The following KRT86 variants were observed in gnomAD, a reference collection of about 807,000 sequenced individuals.
KRT86 encodes keratin, type II cuticular Hb6.
KRT86 carries 30 observed loss-of-function variants against 41.2 expected under a neutral mutation model. The ratio of observed to expected loss-of-function variants is 0.73; its 90% CI spans 0.54 to 0.99. The LOEUF (loss-of-function observed/expected upper bound fraction) is 0.99, where lower values mean the gene tolerates loss of function less well. KRT86 is among the 50% of genes least tolerant of loss of function. The pLI is 0.00. For missense variants in KRT86, 561 were observed against 571.4 expected (o/e 0.98, Z 0.19); for synonymous variants, 238 against 238.1 (o/e 1.00, Z 0.00).
chr12:52,291,439 C>G (rs936080123), intron 2 of KRT86: 9 of 1,612,554 alleles, frequency 5.6e-6, no homozygotes, highest in Non-Finnish European at 6.8e-6. Context: ...TGAAGGCGCG[C>G]CCACCAAATC....
intron 2 of KRT86, chr12:52,288,464 G>T: frequency 1.9e-6 from 3 of 1,614,066 alleles, no homozygotes; most frequent in Non-Finnish European, 2.5e-6. Flanking sequence ...ATCCTGGAAA[G>T]GTGGGGAGTG....
At position 52,304,949 on chromosome 12, in the gene KRT86, C is replaced by T. The variant is rs1367941864; in HGVS notation, c.657C>T (p.Tyr219=). 2 of 1,614,182 alleles carry T rather than the reference C, an allele frequency of 1.2e-6. No homozygotes were observed. The highest frequency in any genetic ancestry group is 1.7e-6 in the Non-Finnish European group (2 of 1,180,026). The change falls in exon 6 of 11, where the codon TAC becomes TAT. Residue 219 remains tyrosine, a synonymous_variant. Coordinates refer to ENST00000423955, the MANE Select transcript of KRT86 (RefSeq NM_001320198.2). ...VALKKDVDCA[Y]LRKSDLEANV... The stretch of plus-strand genomic sequence containing the variant: ...CTTTCCAGGATGTGGACTGCGCCTA[C>T]CTCCGCAAATCAGACCTGGAGGCCA...
intron 2 of KRT86, among the ~76,000 whole-genome samples, chr12:52,299,862 G>T (rs921946528): frequency 6.6e-6 from 1 of 152,152 alleles, no homozygotes; most frequent in African/African-American, 2.4e-5. Context: ...CAGTTGAATA[G>T]TTTGCAAATA....
At chr12:52,304,328 C>T (rs2121305811) in intron 5 of KRT86, among the ~76,000 whole-genome samples, 157 bp downstream of exon 5, 1 of 106,628 alleles carries the variant, frequency 9.4e-6, no homozygotes, top group Non-Finnish European at 1.9e-5. Context: ...TATTGAGCAT[C>T]CAGGGCCTTG....
Position 52,286,865 on chromosome 12 carries a change from G to A in KRT86, c.-5+10919G>A, listed in dbSNP as rs762328799. The A allele has an allele frequency of 1.9e-6, 3 of 1,610,674 alleles. No individual in the cohort carries two copies. In the African/African-American group the frequency reaches 4.0e-5, roughly 22 times the overall value. On this transcript the variant is annotated intron_variant, in intron 2 of 10. Transcript: ENST00000423955. The stretch of plus-strand genomic sequence containing the variant: ...AAAGGCAACATTAGTGACTGCCCCA[G>A]AGTGGCTGAAAAAGCTCCCCAGTTC...
chr12:52,296,459 G>T (rs1326467445), intron 2 of KRT86, among the ~76,000 whole-genome samples: 2 of 152,184 alleles, frequency 1.3e-5, no homozygotes, highest in Non-Finnish European at 1.5e-5. Flanking sequence ...AGGGACATGG[G>T]GCGAGGGAGG....
At chr12:52,287,126 C>T (rs201447608) in intron 2 of KRT86, 7 of 1,613,058 alleles carry the variant, frequency 4.3e-6, no homozygotes, top group African/African-American at 2.7e-5. Flanking sequence ...CTCCAGCAGG[C>T]GCCTGTAGGT....
rs55722924 is a variant in KRT86 at position 52,285,362 on chromosome 12, TAA to T, written c.-5+9429_-5+9430del. The stretch of plus-strand genomic sequence containing the variant: ...TCCAAAACCCCAGAGTGATGCCATT[TAA>T]AAAAAAAAAAAAGAAAGCCAACATC... On this transcript the variant is annotated intron_variant, in intron 2 of 10. Coordinates refer to ENST00000423955, the MANE Select transcript of KRT86 (RefSeq NM_001320198.2). Among the ~76,000 whole-genome samples, 637 of 148,232 alleles carry T rather than the reference TAA, an allele frequency of 4.3e-3. 3 individuals carry two copies. The highest frequency in any genetic ancestry group is 0.036 in the South Asian group (171 of 4,686).
At chr12:52,287,337 A>C (rs751721656) in intron 2 of KRT86, 1 of 1,613,520 alleles carries the variant, frequency 6.2e-7, no homozygotes. Context: ...AGAGAACAGA[A>C]AGAACAAGGT....
intron 2 of KRT86, among the ~76,000 whole-genome samples, chr12:52,299,083 A>G (rs1251949920): frequency 6.6e-6 from 1 of 152,198 alleles, no homozygotes; most frequent in African/African-American, 2.4e-5. Context: ...GTACTCATTA[A>G]CACGTCTTTA....
chr12:52,287,171 A>T, intron 2 of KRT86: 9 of 1,613,644 alleles, frequency 5.6e-6, no homozygotes, highest in Non-Finnish European at 7.6e-6. Flanking sequence ...CTTGGAGTTC[A>T]TCACCTCCTG....
chr12:52,299,881 A>T (rs761203297), intron 2 of KRT86, among the ~76,000 whole-genome samples: 2 of 152,146 alleles, frequency 1.3e-5, no homozygotes, highest in Non-Finnish European at 2.9e-5. Flanking sequence ...TATTTCTTCC[A>T]TTCTGTAGGT....
intron 2 of KRT86, among the ~76,000 whole-genome samples, chr12:52,281,261 C>T (rs1937765222): frequency 6.6e-6 from 1 of 152,198 alleles, no homozygotes; most frequent in Non-Finnish European, 1.5e-5. Context: ...AGCAGAAGGG[C>T]ACTATAAGGT....
chr12:52,300,630 G>T (rs1275321070), intron 2 of KRT86, among the ~76,000 whole-genome samples: 3 of 152,206 alleles, frequency 2.0e-5, no homozygotes, highest in African/African-American at 4.8e-5. Context: ...TGGATGGATG[G>T]CACATACAAA....
Position 52,306,573 on chromosome 12 carries a change from G to T in KRT86, c.1247+293G>T, listed in dbSNP as rs557105475. ...TTAAGGCTTGGGGTCAGCTTGCCTGGGTAGTGCTTCTTCCCTTCCAGCTGT... is the reference window on the plus strand; with the variant it reads ...TTAAGGCTTGGGGTCAGCTTGCCTGTGTAGTGCTTCTTCCCTTCCAGCTGT... On this transcript the variant is annotated intron_variant, in intron 9 of 10. Coordinates refer to ENST00000423955, the MANE Select transcript of KRT86 (RefSeq NM_001320198.2). 9.5e-5 allele frequency: 52 copies of T among 545,278 alleles called. No individual in the cohort carries two copies. In the South Asian group the frequency reaches 1.0e-3, roughly 11 times the overall value. The allele number at this position is 545,278 out of a possible 1,614,324, so 33.8% of individuals were successfully genotyped here.
At chr12:52,276,320 A>C (rs536265352) in intron 2 of KRT86, among the ~76,000 whole-genome samples, 1 of 152,224 alleles carries the variant, frequency 6.6e-6, no homozygotes, top group African/African-American at 2.4e-5. Flanking sequence ...TCTGGGTTCT[A>C]TTTCAAAATG....
At chr12:52,304,717 G>A (rs1172568486) in intron 5 of KRT86, among the ~76,000 whole-genome samples, 2 of 151,848 alleles carry the variant, frequency 1.3e-5, no homozygotes, top group African/African-American at 4.8e-5. Flanking sequence ...AGCAGTGAAA[G>A]GCTGGTGAGC....
At chr12:52,286,415 C>T (rs1937936774) in intron 2 of KRT86, 3 of 1,553,794 alleles carry the variant, frequency 1.9e-6, no homozygotes, top group Non-Finnish European at 2.6e-6. Context: ...CGGAGCGCTG[C>T]AGACACTGCC....
intron 2 of KRT86, among the ~76,000 whole-genome samples, chr12:52,299,449 T>C (rs1240202225): frequency 6.6e-6 from 1 of 152,228 alleles, no homozygotes; most frequent in East Asian, 1.9e-4. Context: ...TTCTTTCTTT[T>C]GGATGTATAC....
Sources: allele counts gnomAD v4.1 joint callset (sites outside exome capture counted in the v4.1 genomes callset), GRCh38; gene constraint gnomAD v4.1.1; transcripts MANE v1.5; gene names NCBI Gene and HGNC (gene_info 2026-07-23, HGNC 2026-07-21).